The following ANKRD36C variants were observed in gnomAD, a reference collection of about 807,000 sequenced individuals.
ANKRD36C encodes the protein ankyrin repeat domain 36C, also known as ankyrin repeat domain-containing protein 36C.
A neutral mutation model predicts 276.4 loss-of-function variants in ANKRD36C; 61 were observed. That is an observed-to-expected ratio of 0.22 (90% CI 0.18 to 0.27). The LOEUF is 0.27. Ranked by LOEUF, ANKRD36C falls within the 10% of genes least tolerant of loss-of-function variation. The probability of loss-of-function intolerance (pLI) is 1.00; values close to 1 mark genes in which losing one functional copy is unlikely to be tolerated. For missense variants in ANKRD36C, 1,447 were observed against 2,032.3 expected, an observed-to-expected ratio of 0.71 and a Z score of 5.54; for synonymous variants, 483 against 680.1, an observed-to-expected ratio of 0.71 and a Z score of 4.51.
intron 60 of ANKRD36C, among the ~76,000 whole-genome samples, chr2:95,865,829 C>G (rs1675673219): frequency 1.3e-5 from 2 of 152,040 alleles, no homozygotes; most frequent in African/African-American, 4.8e-5. Context: ...AAGTCAAATT[C>G]AGACAATCCC....
At chr2:95,896,277 A>G (rs960031954) in intron 44 of ANKRD36C, among the ~76,000 whole-genome samples, 1 of 149,814 alleles carries the variant, frequency 6.7e-6, no homozygotes, top group African/African-American at 2.5e-5. Flanking sequence ...ATTAGCCTCA[A>G]TAAAAATATC....
exon 1 of ANKRD36C, chr2:95,991,742 A>AT: frequency 6.2e-7 from 1 of 1,605,110 alleles, no homozygotes; most frequent in Non-Finnish European, 8.5e-7. Context: ...CTGCAGCCGT[A>AT]TTTCAGCTCG....
intron 59 of ANKRD36C, among the ~76,000 whole-genome samples, chr2:95,874,376 A>G (rs958685565): frequency 6.6e-6 from 1 of 152,198 alleles, no homozygotes; most frequent in Non-Finnish European, 1.5e-5. Flanking sequence ...ATAACGCCGC[A>G]TATCTACAAC....
At chr2:95,921,936 A>C in intron 32 of ANKRD36C, 126 bp from the exon 33 acceptor site, 1 of 1,044,280 alleles carries the variant, frequency 9.6e-7, no homozygotes, top group South Asian at 2.0e-5. Flanking sequence ...TTTCTACTTT[A>C]TGTCTTAAGC....
chr2:95,867,178 G>T (rs1814512), intron 60 of ANKRD36C, among the ~76,000 whole-genome samples: 5 of 152,310 alleles, frequency 3.3e-5, no homozygotes, highest in African/African-American at 7.2e-5. Context: ...CATGGGTAAA[G>T]GGGTAATGGC....
At chr2:95,975,446 C>T (rs1678790088) in intron 6 of ANKRD36C, among the ~76,000 whole-genome samples, 1 of 152,146 alleles carries the variant, frequency 6.6e-6, no homozygotes, top group Non-Finnish European at 1.5e-5. Flanking sequence ...ACCAATGGAA[C>T]AGAACAGAGC....
chr2:95,986,435 T>A (rs1679027357), intron 3 of ANKRD36C, among the ~76,000 whole-genome samples: 1 of 152,216 alleles, frequency 6.6e-6, no homozygotes, highest in Non-Finnish European at 1.5e-5. Context: ...TTCACACTGA[T>A]TAGAAAAAGA....
At chr2:95,953,807 G>C in intron 14 of ANKRD36C, 132 bp downstream of exon 14, 1 of 703,478 alleles carries the variant, frequency 1.4e-6, no homozygotes. Flanking sequence ...TCTTTAAAAT[G>C]GTTTTCTCTA....
chr2:95,872,737 T>A (rs1675844683), intron 59 of ANKRD36C, among the ~76,000 whole-genome samples: 1 of 151,830 alleles, frequency 6.6e-6, no homozygotes, highest in Non-Finnish European at 1.5e-5. Flanking sequence ...AGCTGGTTTT[T>A]TGAAAGGATC....
Position 95,980,794 on chromosome 2 carries a change from A to G in ANKRD36C, c.594-9T>C, listed in dbSNP as rs780122167. 6 of 1,570,630 alleles carry G rather than the reference A, an allele frequency of 3.8e-6. No individual in the cohort carries two copies. The African/African-American group carries it at 8.1e-5, about 21-fold the overall frequency. On this transcript the variant is annotated splice_polypyrimidine_tract_variant and intron_variant, in intron 4 of 66. Transcript: ENST00000456556. Reference sequence around the variant, plus strand: ...CATGTATGAGGGCTGATCTAAAATAACAGAGAGGTAATTAAAAACTTTAAT... The same window carrying G: ...CATGTATGAGGGCTGATCTAAAATAGCAGAGAGGTAATTAAAAACTTTAAT...
chr2:95,972,683 A>G (rs1678723107), intron 6 of ANKRD36C, among the ~76,000 whole-genome samples: 1 of 152,212 alleles, frequency 6.6e-6, no homozygotes, highest in Admixed American at 6.5e-5. Flanking sequence ...TACGATCAGA[A>G]GGCTGTTTAT....
intron 24 of ANKRD36C, among the ~76,000 whole-genome samples, chr2:95,931,140 A>G (rs934694412): frequency 1.3e-5 from 2 of 151,684 alleles, no homozygotes; most frequent in African/African-American, 2.4e-5. Flanking sequence ...CTGTATTGTG[A>G]CATCTGTACA....
At chr2:95,879,367 A>G (rs1319562092) in intron 58 of ANKRD36C, among the ~76,000 whole-genome samples, 1 of 152,052 alleles carries the variant, frequency 6.6e-6, no homozygotes. Flanking sequence ...GAAACAATGA[A>G]TAAAATGTAG....
At chr2:95,970,409 T>C (rs1678674094) in intron 6 of ANKRD36C, among the ~76,000 whole-genome samples, 1 of 152,172 alleles carries the variant, frequency 6.6e-6, no homozygotes, top group Admixed American at 6.5e-5. Context: ...CTGAGTCTTG[T>C]TTCCTTGTCA....
chr2:95,896,785 C>T (rs1474801181), intron 44 of ANKRD36C, among the ~76,000 whole-genome samples: 20 of 149,426 alleles, frequency 1.3e-4, no homozygotes, highest in African/African-American at 4.7e-4. Flanking sequence ...AAATGACTTC[C>T]TCTTTTCACA....
chr2:95,910,927 G>A (rs1429501407), intron 42 of ANKRD36C, among the ~76,000 whole-genome samples: 1 of 151,390 alleles, frequency 6.6e-6, no homozygotes, highest in Non-Finnish European at 1.5e-5. Context: ...GGTGCCACAT[G>A]ATCCCACATG....
rs766844030 is a variant in ANKRD36C at position 95,960,459 on chromosome 2, T to G, written c.1003+14A>C. 6.5e-7 allele frequency: 1 copy of G among 1,540,070 alleles called. No individual in the cohort carries two copies. Among genetic ancestry groups the G allele is most frequent in the Non-Finnish European group, 8.7e-7 (1 of 1,145,818 alleles). On this transcript the variant is annotated intron_variant, in intron 10 of 66. Transcript: ENST00000456556. ...TTCAGTGAACGTGGCATTAAATGTG[T>G]ATTGCAAAATTACCTGTCCCAGATT...
At chr2:95,916,447 G>A (rs1430188983) in intron 36 of ANKRD36C, among the ~76,000 whole-genome samples, 1 of 151,604 alleles carries the variant, frequency 6.6e-6, no homozygotes, top group Non-Finnish European at 1.5e-5. Context: ...AGGTGGGTAT[G>A]CTGAGTGATG....
chr2:95,923,593 CAAT>C, intron 31 of ANKRD36C, 26 bp from the exon 32 acceptor site: 1 of 1,608,406 alleles, frequency 6.2e-7, no homozygotes, highest in Non-Finnish European at 8.5e-7. Flanking sequence ...AGCAAATTAT[CAAT>C]AAAGAAAGTA....
Sources: allele counts gnomAD v4.1 joint callset (sites outside exome capture counted in the v4.1 genomes callset), GRCh38; gene constraint gnomAD v4.1.1; transcripts MANE v1.5; gene names NCBI Gene and HGNC (gene_info 2026-07-23, HGNC 2026-07-21).